SLC25A21: variants seen among roughly 807,000 people sequenced by gnomAD.
SLC25A21 encodes the protein mitochondrial 2-oxodicarboxylate carrier.
SLC25A21 carries 47 observed loss-of-function variants against 43.8 expected under a neutral mutation model. The ratio of observed to expected loss-of-function variants is 1.07; its 90% CI spans 0.85 to 1.37. The LOEUF is 1.37. Ranked by LOEUF, SLC25A21 falls within the 40% of genes most tolerant of loss-of-function variation. The probability of loss-of-function intolerance (pLI) is 0.00; values close to 1 mark genes in which losing one functional copy is unlikely to be tolerated. For missense variants in SLC25A21, 352 were observed against 350.2 expected (o/e 1.00, Z -0.04); for synonymous variants, 131 against 121.3 (o/e 1.08, Z -0.52).
At chr14:36,775,316 C>T (rs1288180060) in intron 3 of SLC25A21, among the ~76,000 whole-genome samples, 3 of 152,202 alleles carry the variant, frequency 2.0e-5, no homozygotes, top group Admixed American at 2.0e-4. Flanking sequence ...GATAGATTCA[C>T]TCTTATGAGC....
intron 3 of SLC25A21, among the ~76,000 whole-genome samples, chr14:36,773,960 C>T (rs114799765): frequency 0.017 from 2,533 of 152,240 alleles, 76 homozygotes; most frequent in African/African-American, 0.058. Flanking sequence ...GTTTCATGTC[C>T]ATCTGATGGA....
intron 3 of SLC25A21, among the ~76,000 whole-genome samples, chr14:36,783,209 G>A (rs1262444999): frequency 4.0e-5 from 6 of 150,594 alleles, no homozygotes; most frequent in Non-Finnish European, 7.4e-5. Context: ...CTTGGGGTGG[G>A]GGTGGTGGGG....
rs1021431536 is a variant in SLC25A21 at position 36,788,242 on chromosome 14, A to C, written c.203+25676T>G. 4.6e-5 allele frequency among the ~76,000 whole-genome samples: 7 copies of C among 152,004 alleles called. No individual in the cohort carries two copies. The South Asian group carries it at 8.3e-4, about 18-fold the overall frequency. On this transcript the variant is annotated intron_variant, in intron 3 of 9. Coordinates refer to ENST00000331299, the MANE Select transcript of SLC25A21 (RefSeq NM_030631.4). ...ACTATGAGCTTAATGGCTGATGTCC[A>C]TTACGGATGGGTCTTGCTCACTCTT...
At chr14:37,045,441 A>G (rs1001360810) in intron 1 of SLC25A21, among the ~76,000 whole-genome samples, 1 of 152,104 alleles carries the variant, frequency 6.6e-6, no homozygotes, top group Admixed American at 6.6e-5. Flanking sequence ...ACTGCTGGGG[A>G]AAAAAAACTT....
intron 2 of SLC25A21, among the ~76,000 whole-genome samples, chr14:36,815,652 C>T (rs1888429422): frequency 6.6e-6 from 1 of 152,182 alleles, no homozygotes; most frequent in South Asian, 2.1e-4. Flanking sequence ...AACTCTTAGC[C>T]CTCCAAATGT....
At chr14:36,954,582 G>A (rs1489908395) in intron 1 of SLC25A21, among the ~76,000 whole-genome samples, 2 of 151,780 alleles carry the variant, frequency 1.3e-5, no homozygotes, top group African/African-American at 2.4e-5. Flanking sequence ...ATAATATGAT[G>A]TTCTGAAATA....
At chr14:36,969,423 C>A (rs920891399) in intron 1 of SLC25A21, among the ~76,000 whole-genome samples, 8 of 152,150 alleles carry the variant, frequency 5.3e-5, no homozygotes, top group African/African-American at 1.7e-4. Flanking sequence ...AAATCATACT[C>A]TGACTTTTGC....
intron 1 of SLC25A21, among the ~76,000 whole-genome samples, chr14:36,914,540 T>C (rs1400623902): frequency 6.6e-6 from 1 of 152,198 alleles, no homozygotes; most frequent in Non-Finnish European, 1.5e-5. Flanking sequence ...TGTTTGATCT[T>C]TGATATTTAA....
At chr14:36,879,459 T>G (rs1890644104) in intron 1 of SLC25A21, among the ~76,000 whole-genome samples, 1 of 152,160 alleles carries the variant, frequency 6.6e-6, no homozygotes, top group Admixed American at 6.6e-5. Context: ...TTTAATATAT[T>G]GTAAATGTTT....
chr14:36,727,270 T>C (rs1246483902), intron 5 of SLC25A21, among the ~76,000 whole-genome samples: 2 of 152,248 alleles, frequency 1.3e-5, no homozygotes, highest in Admixed American at 6.5e-5. Flanking sequence ...AGTTTTCTCA[T>C]CTGTAAAATG....
intron 1 of SLC25A21, among the ~76,000 whole-genome samples, chr14:37,130,336 T>C (rs1963372246): frequency 6.6e-6 from 1 of 152,316 alleles, no homozygotes; most frequent in East Asian, 1.9e-4. Context: ...TCAGTATTCA[T>C]AGTATAAGAA....
chr14:37,088,799 G>A (rs1320673448), intron 1 of SLC25A21, among the ~76,000 whole-genome samples: 1 of 152,108 alleles, frequency 6.6e-6, no homozygotes, highest in Non-Finnish European at 1.5e-5. Flanking sequence ...CCCAGGCAGT[G>A]CAAACGACCG....
chr14:36,862,543 A>G (rs1426529074), intron 2 of SLC25A21, among the ~76,000 whole-genome samples: 3 of 152,154 alleles, frequency 2.0e-5, no homozygotes, highest in East Asian at 1.9e-4. Flanking sequence ...CTCACTCATA[A>G]GTGGGAGCTG....
intron 2 of SLC25A21, among the ~76,000 whole-genome samples, chr14:36,847,050 G>A (rs1245163614): frequency 2.0e-5 from 3 of 152,272 alleles, no homozygotes; most frequent in Non-Finnish European, 4.4e-5. Flanking sequence ...ACGTCTAGCC[G>A]CAGAATTATT....
At chr14:37,114,595 T>C (rs995824372) in intron 1 of SLC25A21, among the ~76,000 whole-genome samples, 66 of 152,212 alleles carry the variant, frequency 4.3e-4, no homozygotes, top group African/African-American at 1.5e-3. Context: ...TAATTTCACA[T>C]TATCAATATA....
In SLC25A21 at chr14:36,997,444, C is replaced by T. The variant is rs1278220905; in HGVS notation, c.71-122440G>A. 5.3e-5 allele frequency among the ~76,000 whole-genome samples: 8 copies of T among 152,216 alleles called. No homozygotes were observed. In the East Asian group the frequency reaches 1.5e-3, roughly 29 times the overall value. On this transcript the variant is annotated intron_variant, in intron 1 of 9. Coordinates refer to ENST00000331299, the MANE Select transcript of SLC25A21 (RefSeq NM_030631.4). ...GCAGCTGAATGTGGCAATAAAATAACTGTTAGTTAAGAATAAATATTACTT... is the reference window on the plus strand; with the variant it reads ...GCAGCTGAATGTGGCAATAAAATAATTGTTAGTTAAGAATAAATATTACTT...
intron 1 of SLC25A21, among the ~76,000 whole-genome samples, chr14:36,917,685 C>T (rs913937624): frequency 6.6e-6 from 1 of 151,606 alleles, no homozygotes; most frequent in African/African-American, 2.4e-5. Context: ...AAGTCAATTG[C>T]TGGCATCTAT....
chr14:37,128,042 A>G (rs1244000353), intron 1 of SLC25A21, among the ~76,000 whole-genome samples: 1 of 152,226 alleles, frequency 6.6e-6, no homozygotes, highest in African/African-American at 2.4e-5. Flanking sequence ...GTGTTTAGAC[A>G]ACTGGAAGGT....
chr14:36,860,937 T>C (rs760974118), intron 2 of SLC25A21, among the ~76,000 whole-genome samples: 9 of 152,182 alleles, frequency 5.9e-5, no homozygotes, highest in Non-Finnish European at 1.2e-4. Flanking sequence ...ATGTAACCTA[T>C]TAAGCTCTCA....
Sources: gnomAD v4.1 joint callset for allele counts (sites outside exome capture counted in the v4.1 genomes callset) on GRCh38, gnomAD v4.1.1 for gene constraint, MANE v1.5 for transcripts, NCBI Gene and HGNC (gene_info 2026-07-23, HGNC 2026-07-21) for gene names.